The following PUM3 variants were observed in gnomAD, a reference collection of about 807,000 sequenced individuals.
PUM3 encodes pumilio RNA binding family member 3.
In PUM3, 91 loss-of-function variants were observed where a neutral mutation model predicts 84.0. That is an observed-to-expected ratio of 1.08 (90% CI 0.91 to 1.29). The LOEUF is 1.29. Among genes scored for constraint, PUM3 ranks in the 50% most tolerant of loss-of-function variants. PUM3 has a pLI of 0.00. For missense variants in PUM3, 1,067 were observed against 767.5 expected (o/e 1.39, Z -4.61); for synonymous variants, 321 against 266.7 (o/e 1.20, Z -1.98).
At position 2,837,417 on chromosome 9, in the gene PUM3, A is replaced by T. The variant is rs1712553963; in HGVS notation, c.83-16T>A. ...GAACCAGAATCTAGTGACAATAATA[A>T]TTATAAGTTCAATGATTCTGGGCCC... On this transcript the variant is annotated splice_polypyrimidine_tract_variant and intron_variant, in intron 2 of 17. Transcript: ENST00000397885. 7.9e-6 allele frequency: 12 copies of T among 1,524,634 alleles called. No individual in the cohort carries two copies. The highest frequency in any genetic ancestry group is 1.1e-5 in the Non-Finnish European group (12 of 1,104,738). The allele number at this position is 1,524,634 out of a possible 1,614,324, so 94.4% of individuals were successfully genotyped here. A position where few individuals can be genotyped will look rare whatever the true frequency, so the allele number is the denominator to read the frequency against.
chr9:2,806,140 C>T (rs146883118), intron 17 of PUM3, among the ~76,000 whole-genome samples: 84 of 152,272 alleles, frequency 5.5e-4, no homozygotes, highest in Non-Finnish European at 9.8e-4. Flanking sequence ...GATTGATGAA[C>T]AACCTTTATA....
chr9:2,836,342 G>A (rs912216152), intron 3 of PUM3, among the ~76,000 whole-genome samples: 2 of 152,186 alleles, frequency 1.3e-5, no homozygotes, highest in African/African-American at 2.4e-5. Flanking sequence ...TTCTCAGGAT[G>A]TTGCAAAGAA....
At chr9:2,814,342 G>C (rs748454747) in intron 13 of PUM3, among the ~76,000 whole-genome samples, 3 of 148,998 alleles carry the variant, frequency 2.0e-5, no homozygotes, top group Non-Finnish European at 4.5e-5. Flanking sequence ...CTCCGGAGTA[G>C]CTGGGACTAT....
At chr9:2,816,221 G>A (rs937081604) in intron 13 of PUM3, among the ~76,000 whole-genome samples, 4 of 152,164 alleles carry the variant, frequency 2.6e-5, no homozygotes, top group Non-Finnish European at 5.9e-5. Flanking sequence ...AGGGAAGAGA[G>A]TTAATAAAAA....
chr9:2,822,301 T>A, intron 12 of PUM3, among the ~76,000 whole-genome samples: 1 of 152,074 alleles, frequency 6.6e-6, no homozygotes, highest in East Asian at 1.9e-4. Context: ...AACTCTACAA[T>A]ATATTATTTT....
At chr9:2,822,264 T>A (rs531112842) in intron 12 of PUM3, among the ~76,000 whole-genome samples, 44 of 152,244 alleles carry the variant, frequency 2.9e-4, no homozygotes, top group African/African-American at 9.6e-4. Context: ...TTGATCTAAT[T>A]GACAAATATA....
intron 13 of PUM3, among the ~76,000 whole-genome samples, chr9:2,816,665 C>A (rs1821475805): frequency 6.6e-6 from 1 of 152,196 alleles, no homozygotes; most frequent in African/African-American, 2.4e-5. Flanking sequence ...CTCCTTGTCT[C>A]ACACCTGGCC....
chr9:2,825,353 A>C (rs1815785380), intron 10 of PUM3, among the ~76,000 whole-genome samples: 1 of 152,234 alleles, frequency 6.6e-6, no homozygotes, highest in Admixed American at 6.5e-5. Flanking sequence ...AAAAATTTCT[A>C]TACTAACATT....
In PUM3 at chr9:2,837,507, T is replaced by A. The variant is rs555105509; in HGVS notation, c.83-106A>T. On this transcript the variant is annotated intron_variant, in intron 2 of 17. Transcript: ENST00000397885. ...ATTATACTTTTTAATCCCAATACCA[T>A]GTCTTACTCTCAAATATGCAACATA... The A allele has an allele frequency of 1.3e-5, 9 of 689,290 alleles. No homozygotes were observed. In the East Asian group the frequency reaches 1.4e-4, roughly 10 times the overall value. 42.7% of individuals were successfully genotyped at this position (689,290 alleles called of 1,614,324 possible).
intron 15 of PUM3, among the ~76,000 whole-genome samples, chr9:2,810,844 A>C (rs1429125832): frequency 1.3e-5 from 2 of 152,210 alleles, no homozygotes; most frequent in Non-Finnish European, 2.9e-5. Context: ...AGTACACATG[A>C]CCACCGAAGG....
chr9:2,808,903 TG>T (rs896158161), intron 16 of PUM3, among the ~76,000 whole-genome samples: 4 of 152,268 alleles, frequency 2.6e-5, no homozygotes, highest in African/African-American at 9.6e-5. Context: ...GGATAAATCA[TG>T]GAAGTGCCAC....
At position 2,831,026 on chromosome 9, in the gene PUM3, C is replaced by A. The variant is rs770035848; in HGVS notation, c.613G>T (p.Asp205Tyr). ...TTGGCTTTACTTAACTCAACCAAAT[C>A]ATCTGAAAAACAAAAATACATTACA... ...RKQAFEELRD[D>Y]LVELSKAKYS... Residue 205 changes from aspartate to tyrosine, a missense_variant and splice_region_variant, in exon 7 of 18, where the codon GAT (aspartate) becomes TAT (tyrosine). Physicochemically the swap from Asp to Tyr is radical, Grantham distance 160 (BLOSUM62 -3). Coordinates refer to ENST00000397885, the MANE Select transcript of PUM3 (RefSeq NM_014878.5). 1 of 1,476,920 alleles carries A rather than the reference C, an allele frequency of 6.8e-7. No homozygotes were observed. Among genetic ancestry groups the A allele is most frequent in the Non-Finnish European group, 9.4e-7 (1 of 1,063,786 alleles). 91.5% of individuals were successfully genotyped at this position (1,476,920 alleles called of 1,614,324 possible).
intron 3 of PUM3, among the ~76,000 whole-genome samples, chr9:2,835,274 C>T (rs964680082): frequency 4.6e-5 from 7 of 151,978 alleles, no homozygotes; most frequent in East Asian, 3.9e-4. Context: ...AAAAATTAGC[C>T]GGGTGTGGTG....
chr9:2,807,761 G>A (rs1269661072), intron 17 of PUM3, 53 bp downstream of exon 17: 3 of 1,109,686 alleles, frequency 2.7e-6, no homozygotes, highest in Admixed American at 3.4e-5. Context: ...TGAAGGAAGT[G>A]TGTCTTTTGC....
chr9:2,816,995 G>A (rs780307550), intron 13 of PUM3, among the ~76,000 whole-genome samples: 8 of 152,184 alleles, frequency 5.3e-5, no homozygotes, highest in Admixed American at 1.3e-4. Context: ...CAATGGTTTC[G>A]TAGTGGCTGA....
At chr9:2,818,892 T>A (rs1056039205) in intron 13 of PUM3, among the ~76,000 whole-genome samples, 12 of 152,186 alleles carry the variant, frequency 7.9e-5, no homozygotes, top group African/African-American at 2.9e-4. Context: ...TACACTCAGC[T>A]CTACTGATCC....
At chr9:2,825,622 A>G (rs1156480326) in intron 10 of PUM3, among the ~76,000 whole-genome samples, 1 of 152,048 alleles carries the variant, frequency 6.6e-6, no homozygotes. Flanking sequence ...AGCTGGGGCT[A>G]CAGGTGCCCG....
intron 8 of PUM3, 36 bp from the exon 9 acceptor site, chr9:2,828,814 T>A: frequency 8.7e-7 from 1 of 1,146,084 alleles, no homozygotes; most frequent in Middle Eastern, 2.0e-4. Flanking sequence ...CCCTCTAAAT[T>A]TAATCAATTT....
intron 12 of PUM3, among the ~76,000 whole-genome samples, chr9:2,822,900 C>T (rs970041682): frequency 6.6e-5 from 10 of 151,620 alleles, no homozygotes; most frequent in African/African-American, 2.4e-4. Flanking sequence ...TCTAGCCCAA[C>T]AGAAGACAAT....
Sources: gnomAD v4.1 joint callset for allele counts (sites outside exome capture counted in the v4.1 genomes callset) on GRCh38, gnomAD v4.1.1 for gene constraint, MANE v1.5 for transcripts, NCBI Gene and HGNC (gene_info 2026-07-23, HGNC 2026-07-21) for gene names.